The following ANK1 variants were observed in gnomAD, a reference collection of about 807,000 sequenced individuals.
ANK1 encodes ankyrin 1.
Under a neutral mutation model 210.4 loss-of-function variants are expected in ANK1, and 51 were observed. The observed-to-expected ratio is 0.24, with a 90% CI of 0.19 to 0.31. ANK1 has a LOEUF of 0.31. ANK1 is among the 10% of genes least tolerant of loss of function. The pLI is 1.00. For synonymous variants in ANK1, 967 were observed against 1,025.9 expected (o/e 0.94, Z 1.10); for missense variants, 2,051 against 2,504.4 (o/e 0.82, Z 3.86).
Position 41,704,416 on chromosome 8 carries a change from C to T in ANK1, c.2154G>A (p.Lys718=), listed in dbSNP as rs769259664. 1 of 1,614,208 alleles carries T rather than the reference C, an allele frequency of 6.2e-7. No homozygotes were observed. The highest frequency in any genetic ancestry group is 1.3e-5 in the African/African-American group (1 of 75,054). ...CATCTGCCTGGTGCTGCAGCAGAAA[C>T]TTCACCAGCTTGATGTTTCCATAGT... ...ASHYGNIKLV[K]FLLQHQADVN... Residue 718 remains lysine (K), a synonymous_variant, in exon 19 of 43, where the codon AAG becomes AAA. Coordinates refer to ENST00000289734, the MANE Select transcript of ANK1 (RefSeq NM_000037.4). This position sits in a 1 kb window ranked among gnomAD's most constrained non-coding sequence, Gnocchi z 4.1.
intron 1 of ANK1, among the ~76,000 whole-genome samples, chr8:41,767,267 G>T (rs1842034539): frequency 6.6e-6 from 1 of 151,798 alleles, no homozygotes; most frequent in South Asian, 2.1e-4. Flanking sequence ...CGGACGCAGA[G>T]CCCCGGCCCC....
chr8:41,744,244 A>G (rs1835508027), intron 2 of ANK1, among the ~76,000 whole-genome samples: 3 of 152,188 alleles, frequency 2.0e-5, no homozygotes, highest in African/African-American at 7.2e-5. Context: ...ATTAATGGGG[A>G]AAAGAAAAAG....
chr8:41,737,905 A>G (rs1301911585), intron 2 of ANK1, among the ~76,000 whole-genome samples: 3 of 152,238 alleles, frequency 2.0e-5, no homozygotes, highest in Non-Finnish European at 4.4e-5. Context: ...ACCCAACTCA[A>G]CAAATATTTA....
At chr8:41,788,115 A>C (rs1378027892) in intron 1 of ANK1, among the ~76,000 whole-genome samples, 1 of 152,204 alleles carries the variant, frequency 6.6e-6, no homozygotes, top group African/African-American at 2.4e-5. Context: ...AGCAATTTGT[A>C]ACAAACACAG....
At position 41,725,816 on chromosome 8, in the gene ANK1, G is replaced by T; in HGVS notation, c.557C>A (p.Thr186Lys). The part of the protein sequence containing the change: ...ALHIAARNDD[T>K]RTAAVLLQND... ...CTGCAGCAGCACCGCAGCCGTGCGCGTGTCGTCGTTGCGGGCCGCGATGTG... is the reference window on the plus strand; with the variant it reads ...CTGCAGCAGCACCGCAGCCGTGCGCTTGTCGTCGTTGCGGGCCGCGATGTG... The change falls in exon 6 of 43, where the codon ACG (threonine) becomes AAG (lysine). Residue 186 changes from threonine (T) to lysine (K), a missense_variant. Coordinates refer to ENST00000289734, the MANE Select transcript of ANK1 (RefSeq NM_000037.4). 1 of 1,612,102 alleles carries T rather than the reference G, an allele frequency of 6.2e-7. No individual in the cohort carries two copies.
At chr8:41,735,339 C>G (rs1046498271) in intron 2 of ANK1, among the ~76,000 whole-genome samples, 1 of 152,204 alleles carries the variant, frequency 6.6e-6, no homozygotes, top group Non-Finnish European at 1.5e-5. Context: ...AGTCAGTGAG[C>G]AAACTCCACC....
At chr8:41,806,108 C>A (rs1850931002) in intron 1 of ANK1, among the ~76,000 whole-genome samples, 2 of 152,200 alleles carry the variant, frequency 1.3e-5, no homozygotes. Context: ...GACCCTAGAA[C>A]CCCTTGAAAG....
chr8:41,762,627 T>C (rs575227803), intron 1 of ANK1, among the ~76,000 whole-genome samples: 78 of 152,328 alleles, frequency 5.1e-4, no homozygotes, highest in African/African-American at 1.9e-3. Context: ...CTGTTGGCTC[T>C]CCAGGCATGA....
At position 41,688,675 on chromosome 8, in the gene ANK1, G is replaced by A. The variant is rs77984369; in HGVS notation, c.4105-86C>T. ...ATCTGAGCTCCTATGCTGCAGGGGT[G>A]TGGAAGGCTGACCCCAGTCCTGGTA... On this transcript the variant is annotated intron_variant, in intron 33 of 42. Transcript: ENST00000289734. The A allele has an allele frequency of 5.3e-4, 643 of 1,201,884 alleles. 11 individuals are homozygous for A. The East Asian group carries it at 0.015, about 29-fold the overall frequency. 74.5% of individuals were successfully genotyped at this position (1,201,884 alleles called of 1,614,324 possible).
intron 17 of ANK1, 87 bp downstream of exon 17, chr8:41,708,691 A>G: frequency 1.4e-6 from 2 of 1,472,656 alleles, no homozygotes; most frequent in Non-Finnish European, 1.9e-6. Context: ...CCTAACTCAG[A>G]ACCTGGGCAC....
chr8:41,694,784 C>T lies in ANK1; in HGVS notation c.3135G>A (p.Glu1045=), dbSNP rs1586162535. Residue 1045 remains glutamate, a synonymous_variant, in exon 28 of 43, where the codon GAG becomes GAA. Transcript: ENST00000289734. The surrounding 1 kb of genome is among the most constrained non-coding windows in gnomAD (Gnocchi z 5.7). ...TTCGGCACACCCTCTTCTTCTCTAG[C>T]TCCTCCAGGCTCCCCAGCTCTGGAA... ...GMDEELGSLE[E]LEKKRVCRII... is the part of the protein sequence containing the mutation. 1 of 1,614,146 alleles carries T rather than the reference C, an allele frequency of 6.2e-7. No homozygotes were observed. Among genetic ancestry groups the T allele is most frequent in the Non-Finnish European group, 8.5e-7 (1 of 1,180,012 alleles).
intron 1 of ANK1, among the ~76,000 whole-genome samples, chr8:41,762,765 G>C (rs1164195813): frequency 1.3e-5 from 2 of 152,162 alleles, no homozygotes; most frequent in Non-Finnish European, 2.9e-5. Context: ...CCAAGAATAA[G>C]AATGTTAAAG....
Position 41,655,867 on chromosome 8 carries a change from A to G in ANK1, c.*37-114T>C, listed in dbSNP as rs1805495087. On this transcript the variant is annotated intron_variant, in intron 42 of 42. Coordinates refer to ENST00000289734, the MANE Select transcript of ANK1 (RefSeq NM_000037.4). ...GCTCAGGCCGAATCTGACTCAGGAA[A>G]AGCAGTCTCCCCAGGCAGGGCGATG... 4 of 1,239,672 alleles carry G rather than the reference A, an allele frequency of 3.2e-6. No homozygotes were observed. In the East Asian group the frequency reaches 9.5e-5, roughly 30 times the overall value. 76.8% of individuals were successfully genotyped at this position (1,239,672 alleles called of 1,614,324 possible). A position where few individuals can be genotyped will look rare whatever the true frequency, so the allele number is the denominator to read the frequency against.
chr8:41,853,752 T>C (rs1228208279), intron 1 of ANK1, among the ~76,000 whole-genome samples: 3 of 151,800 alleles, frequency 2.0e-5, no homozygotes, highest in African/African-American at 7.2e-5. Context: ...TATTTTATTT[T>C]TTAAATTTAA....
intron 22 of ANK1, 43 bp downstream of exon 22, chr8:41,701,507 C>A (rs747529596): frequency 3.8e-6 from 6 of 1,595,062 alleles, no homozygotes; most frequent in African/African-American, 1.3e-5. Flanking sequence ...GTGCCCGGAG[C>A]CCCTCTGTCC....
In ANK1 at chr8:41,704,932, T is replaced by C. The variant is rs944197035; in HGVS notation, c.2098-460A>G. Among the ~76,000 whole-genome samples the C allele has an allele frequency of 6.6e-6, 1 of 152,016 alleles. No homozygotes were observed. Among genetic ancestry groups the C allele is most frequent in the Admixed American group, 6.6e-5 (1 of 15,260 alleles). On this transcript the variant is annotated intron_variant, in intron 18 of 42. Coordinates refer to ENST00000289734, the MANE Select transcript of ANK1 (RefSeq NM_000037.4). The surrounding 1 kb of genome is among the most constrained non-coding windows in gnomAD (Gnocchi z 4.1). ...GGAAGGGTGCTGAGATGAGGGCAGA[T>C]GGGGATGTGGAGTCATGGTCACTCC...
chr8:41,718,735 G>C (rs1363521706), intron 10 of ANK1, among the ~76,000 whole-genome samples: 1 of 152,174 alleles, frequency 6.6e-6, no homozygotes, highest in Non-Finnish European at 1.5e-5. Flanking sequence ...TGGTGGTGGG[G>C]GGGTATCGTT....
chr8:41,775,026 T>C (rs187877839), intron 1 of ANK1, among the ~76,000 whole-genome samples: 168 of 151,992 alleles, frequency 1.1e-3, no homozygotes, highest in African/African-American at 3.7e-3. Context: ...ATCAAAATCA[T>C]TGGGAAGGTG....
chr8:41,859,987 TG>T (rs11337569), intron 1 of ANK1, among the ~76,000 whole-genome samples: 51,476 of 151,996 alleles, frequency 0.34, 8,848 homozygotes, highest in African/African-American at 0.39. Flanking sequence ...GAAAGGGAAA[TG>T]GGGAGGTGGC....
Sources: allele counts gnomAD v4.1 joint callset (sites outside exome capture counted in the v4.1 genomes callset), GRCh38; gene constraint gnomAD v4.1.1; non-coding constraint Gnocchi (gnomAD v3.1); transcripts MANE v1.5; gene names NCBI Gene and HGNC (gene_info 2026-07-23, HGNC 2026-07-21).